AMOTL1: variants seen among roughly 807,000 people sequenced by gnomAD.
AMOTL1 encodes the protein angiomotin-like protein 1.
AMOTL1 carries 45 observed loss-of-function variants against 102.9 expected under a neutral mutation model. That is an observed-to-expected ratio of 0.44 (90% CI 0.34 to 0.56). The LOEUF (loss-of-function observed/expected upper bound fraction) is 0.56, where lower values mean the gene tolerates loss of function less well. Among genes scored for constraint, AMOTL1 ranks in the 20% least tolerant of loss-of-function variants. AMOTL1 has a pLI of 0.01. For missense variants in AMOTL1, 1,114 were observed against 1,225.6 expected (o/e 0.91, Z 1.36); for synonymous variants, 481 against 484.7 (o/e 0.99, Z 0.10).
chr11:94,832,560 A>G (rs1248516435), intron 6 of AMOTL1, among the ~76,000 whole-genome samples: 2 of 152,202 alleles, frequency 1.3e-5, no homozygotes, highest in African/African-American at 4.8e-5. Context: ...AATACTATCT[A>G]GGGCTTTTGC....
At chr11:94,825,400 G>A (rs936389485) in intron 4 of AMOTL1, among the ~76,000 whole-genome samples, 11 of 152,206 alleles carry the variant, frequency 7.2e-5, no homozygotes, top group South Asian at 2.1e-4. Context: ...CCAGTATCTG[G>A]AGCTTGGAAT....
chr11:94,721,709 A>G (rs1458779666), intron 1 of AMOTL1, among the ~76,000 whole-genome samples: 1 of 152,160 alleles, frequency 6.6e-6, no homozygotes, highest in Non-Finnish European at 1.5e-5. Flanking sequence ...TGTGAGAAAT[A>G]AATAATTGTT....
chr11:94,728,393 C>T (rs1346117320), intron 1 of AMOTL1, among the ~76,000 whole-genome samples: 1 of 152,102 alleles, frequency 6.6e-6, no homozygotes, highest in African/African-American at 2.4e-5. Flanking sequence ...CCTCTTGGCT[C>T]TGAAGTGTTC....
chr11:94,794,215 A>G (rs990151968), intron 1 of AMOTL1, among the ~76,000 whole-genome samples: 1 of 152,248 alleles, frequency 6.6e-6, no homozygotes, highest in Non-Finnish European at 1.5e-5. Context: ...TTTAGCTGAA[A>G]AGAGCCTTAA....
At chr11:94,765,481 T>G (rs117835833), upstream of AMOTL1, among the ~76,000 whole-genome samples, 193 of 152,330 alleles carry the variant, frequency 1.3e-3, 3 homozygotes, top group East Asian at 0.035. Context: ...AAGATTGTTT[T>G]CTGCATTTGA....
chr11:94,800,189 T>A lies in AMOTL1; in HGVS notation c.999T>A (p.Phe333Leu). 3 of 1,613,952 alleles carry A rather than the reference T, an allele frequency of 1.9e-6. No homozygotes were observed. The highest frequency in any genetic ancestry group is 2.5e-6 in the Non-Finnish European group (3 of 1,179,864). ...PVSKTQEHGL[F>L]YGDQHPGMLH... The stretch of plus-strand genomic sequence containing the variant: ...GCAAGACCCAGGAGCACGGACTTTT[T>A]TATGGTGACCAGCACCCCGGGATGC... Residue 333 changes from phenylalanine to leucine, a missense_variant, in exon 3 of 13, where the codon TTT becomes TTA. Coordinates refer to ENST00000433060, the MANE Select transcript of AMOTL1 (RefSeq NM_130847.3).
intron 1 of AMOTL1, among the ~76,000 whole-genome samples, chr11:94,788,370 A>G (rs1367939683): frequency 1.3e-5 from 2 of 152,210 alleles, no homozygotes; most frequent in African/African-American, 4.8e-5. Flanking sequence ...TGAACTCTCT[A>G]TTCCTTAAAG....
At position 94,854,901 on chromosome 11, in the gene AMOTL1, G is replaced by C. The variant is rs146332672; in HGVS notation, c.1944+819G>C. ...CCATAATTCCCTATTCCTGCTGCCT[G>C]TCCTTCTCTGCTGGTAACAACTGAG... On this transcript the variant is annotated intron_variant, in intron 8 of 12. Transcript: ENST00000433060. Among the ~76,000 whole-genome samples, 741 of 152,290 alleles carry C rather than the reference G, an allele frequency of 4.9e-3. 11 individuals are homozygous for C. Among genetic ancestry groups the C allele is most frequent in the African/African-American group, 0.017 (711 of 41,530 alleles).
intron 1 of AMOTL1, among the ~76,000 whole-genome samples, chr11:94,710,337 A>G (rs1231425292): frequency 6.6e-6 from 1 of 152,204 alleles, no homozygotes; most frequent in African/African-American, 2.4e-5. Flanking sequence ...TAAAAGTATG[A>G]ATTTTGAAGT....
chr11:94,856,173 G>A (rs1952659058), intron 8 of AMOTL1, among the ~76,000 whole-genome samples: 2 of 152,064 alleles, frequency 1.3e-5, no homozygotes, highest in Admixed American at 1.3e-4. Flanking sequence ...GATAAGTAGA[G>A]GTTGAGTATC....
At chr11:94,773,430 A>G (rs758154941) in intron 1 of AMOTL1, among the ~76,000 whole-genome samples, 1 of 152,130 alleles carries the variant, frequency 6.6e-6, no homozygotes, top group Non-Finnish European at 1.5e-5. Flanking sequence ...TAAACCATCT[A>G]TTAGGTCTCG....
Position 94,873,298 on chromosome 11 carries a change from C to T in AMOTL1, c.*2503C>T, listed in dbSNP as rs1953037243. On this transcript the variant is annotated 3_prime_UTR_variant, in exon 13 of 13. Coordinates refer to ENST00000433060, the MANE Select transcript of AMOTL1 (RefSeq NM_130847.3). The stretch of plus-strand genomic sequence containing the variant: ...TTTTTTCTCTTAACCTACTGAGACT[C>T]TTCCTTAAGAACAGGATCTATAGCT... 1 of 152,168 alleles carries T rather than the reference C, an allele frequency of 6.6e-6. No homozygotes were observed. The highest frequency in any genetic ancestry group is 1.5e-5 in the Non-Finnish European group (1 of 68,030). 9.4% of individuals were successfully genotyped at this position (152,168 alleles called of 1,614,324 possible).
At chr11:94,707,238 CTCTCTCTCTCTCTGTGTGTG>C (rs1261346439) in intron 1 of AMOTL1, among the ~76,000 whole-genome samples, 7 of 82,798 alleles carry the variant, frequency 8.5e-5, no homozygotes, top group Non-Finnish European at 1.9e-4. Context: ...CTCTCTCTCT[CTCTCTCTCTCTCTGTGTGTG>C]TGTGTGTGTG....
At chr11:94,863,189 C>T (rs1244050966) in intron 9 of AMOTL1, among the ~76,000 whole-genome samples, 3 of 151,954 alleles carry the variant, frequency 2.0e-5, no homozygotes, top group Non-Finnish European at 4.4e-5. Flanking sequence ...GTGTACCGTG[C>T]CCTACCCAGT....
At chr11:94,721,439 A>G (rs1193575435) in intron 1 of AMOTL1, among the ~76,000 whole-genome samples, 1 of 151,946 alleles carries the variant, frequency 6.6e-6, no homozygotes, top group Non-Finnish European at 1.5e-5. Context: ...ACAAATTCAT[A>G]TGTTGAAGCC....
At chr11:94,832,416 G>T (rs1472054173) in intron 6 of AMOTL1, among the ~76,000 whole-genome samples, 1 of 152,156 alleles carries the variant, frequency 6.6e-6, no homozygotes, top group African/African-American at 2.4e-5. Flanking sequence ...AAAATAATTG[G>T]TTAAATTTTC....
At chr11:94,823,936 G>A (rs528915217) in intron 4 of AMOTL1, among the ~76,000 whole-genome samples, 1 of 152,026 alleles carries the variant, frequency 6.6e-6, no homozygotes, top group South Asian at 2.1e-4. Context: ...GGCCAGGATG[G>A]TTTTGATCTC....
chr11:94,747,019 A>G lies in AMOTL1; in HGVS notation c.136+6031A>G, dbSNP rs1012007711. On this transcript the variant is annotated intron_variant, in intron 3 of 4. Coordinates refer to the AMOTL1 transcript ENST00000299004. Reference sequence around the variant, plus strand: ...TTCTGCTTGTTGTAACAGTGCCTTGAGGACTGGATCCTTTCTTCTGTGACC... The same window carrying G: ...TTCTGCTTGTTGTAACAGTGCCTTGGGGACTGGATCCTTTCTTCTGTGACC... Among the ~76,000 whole-genome samples, 4 of 152,148 alleles carry G rather than the reference A, an allele frequency of 2.6e-5. No individual in the cohort carries two copies. The South Asian group carries it at 8.3e-4, about 32-fold the overall frequency.
chr11:94,822,173 C>T lies in AMOTL1; in HGVS notation c.1413+352C>T, dbSNP rs184589780. On this transcript the variant is annotated intron_variant, in intron 4 of 12. Transcript: ENST00000433060. ...AGTAAATAACACGGAGGAGGCCATG[C>T]GCGGTGGTCCATGCCTATAATCCCA... Among the ~76,000 whole-genome samples, 26 of 152,220 alleles carry T rather than the reference C, an allele frequency of 1.7e-4. No homozygotes were observed. The East Asian group carries it at 3.1e-3, about 18-fold the overall frequency.
Sources: allele counts gnomAD v4.1 joint callset (sites outside exome capture counted in the v4.1 genomes callset), GRCh38; gene constraint gnomAD v4.1.1; transcripts MANE v1.5; gene names NCBI Gene and HGNC (gene_info 2026-07-23, HGNC 2026-07-21).